Variants in PARD3B observed in about 807,000 individuals in gnomAD.
PARD3B encodes par-3 family cell polarity regulator beta, also known as partitioning defective 3 homolog B.
In PARD3B, 103 loss-of-function variants were observed where a neutral mutation model predicts 130.2. The ratio of observed to expected loss-of-function variants is 0.79; its 90% CI spans 0.67 to 0.93. PARD3B has a LOEUF of 0.93. PARD3B is among the 40% of genes least tolerant of loss of function. PARD3B has a pLI of 0.00. For synonymous variants in PARD3B, 583 were observed against 553.2 expected, an observed-to-expected ratio of 1.05 and a Z score of -0.76; for missense variants, 1,609 against 1,499.2, an observed-to-expected ratio of 1.07 and a Z score of -1.21.
chr2:205,521,645 A>G (rs74337217), intron 21 of PARD3B, among the ~76,000 whole-genome samples: 5,002 of 152,194 alleles, frequency 0.033, 171 homozygotes, highest in South Asian at 0.13. Context: ...GTCTACACTT[A>G]CATGCTGTCT....
chr2:205,308,254 C>T (rs920251122), intron 18 of PARD3B, among the ~76,000 whole-genome samples: 5 of 152,238 alleles, frequency 3.3e-5, no homozygotes, highest in African/African-American at 9.6e-5. Context: ...CAGCACTTTT[C>T]CTGTCTTAAT....
chr2:205,309,526 A>G lies in PARD3B; in HGVS notation c.2630+7825A>G, dbSNP rs1470859078. 6.6e-6 allele frequency among the ~76,000 whole-genome samples: 1 copy of G among 152,152 alleles called. No homozygotes were observed. The highest frequency in any genetic ancestry group is 1.5e-5 in the Non-Finnish European group (1 of 68,028). ...ATTTTATTTAAACTAGGGGAATTCT[A>G]TATAAAGACATCCTGCTGTGAATTA... On this transcript the variant is annotated intron_variant, in intron 18 of 22. Coordinates refer to ENST00000406610, the MANE Select transcript of PARD3B (RefSeq NM_001302769.2). The surrounding 1 kb of genome is among the most constrained non-coding windows in gnomAD (Gnocchi z 4.7).
At chr2:204,657,967 T>G (rs369618968) in intron 1 of PARD3B, among the ~76,000 whole-genome samples, 1 of 152,190 alleles carries the variant, frequency 6.6e-6, no homozygotes, top group Non-Finnish European at 1.5e-5. Flanking sequence ...AAGTATTTAC[T>G]GACACTCTTA....
At chr2:204,823,498 T>A (rs2043447295) in intron 2 of PARD3B, among the ~76,000 whole-genome samples, 1 of 152,148 alleles carries the variant, frequency 6.6e-6, no homozygotes, top group Non-Finnish European at 1.5e-5. Flanking sequence ...ACTGGCTACA[T>A]ACATAAGTAT....
intron 15 of PARD3B, among the ~76,000 whole-genome samples, chr2:205,243,977 C>A (rs1024121750): frequency 6.6e-6 from 1 of 150,974 alleles, no homozygotes; most frequent in Non-Finnish European, 1.5e-5. Context: ...TAGATTGATT[C>A]TATGTAAGTG....
At chr2:205,382,075 G>A (rs1227628423) in intron 18 of PARD3B, among the ~76,000 whole-genome samples, 1 of 151,946 alleles carries the variant, frequency 6.6e-6, no homozygotes, top group Non-Finnish European at 1.5e-5. Flanking sequence ...AAATTAACAT[G>A]GTTACAAAAC....
chr2:205,413,838 T>C (rs868658569), intron 19 of PARD3B, among the ~76,000 whole-genome samples: 6 of 152,182 alleles, frequency 3.9e-5, no homozygotes, highest in Middle Eastern at 3.2e-3. Flanking sequence ...TGTTTTCAAA[T>C]TGGGCTTGTG....
At chr2:205,377,495 G>T (rs1014514918) in intron 18 of PARD3B, among the ~76,000 whole-genome samples, 2 of 152,094 alleles carry the variant, frequency 1.3e-5, no homozygotes, top group African/African-American at 2.4e-5. Context: ...ATGAGAGGGA[G>T]GGAAGAGGGA....
At position 205,274,596 on chromosome 2, in the gene PARD3B, G is replaced by T. The variant is rs2040867627; in HGVS notation, c.2186-25934G>T. 6.6e-6 allele frequency among the ~76,000 whole-genome samples: 1 copy of T among 151,468 alleles called. No individual in the cohort carries two copies. Among genetic ancestry groups the T allele is most frequent in the Non-Finnish European group, 1.5e-5 (1 of 67,854 alleles). ...AATTTACATGGTATACTTTTACATT[G>T]ATTTTTTTATAAATCATTTCTACTT... On this transcript the variant is annotated intron_variant, in intron 16 of 22. Coordinates refer to ENST00000406610, the MANE Select transcript of PARD3B (RefSeq NM_001302769.2). This position sits in a 1 kb window ranked among gnomAD's most constrained non-coding sequence, Gnocchi z 4.2.
chr2:205,197,272 A>T (rs1037686735), intron 15 of PARD3B, among the ~76,000 whole-genome samples: 1 of 152,042 alleles, frequency 6.6e-6, no homozygotes, highest in Non-Finnish European at 1.5e-5. Context: ...CTGGCTGATA[A>T]TGTGGATTTT....
At chr2:205,378,575 T>A (rs2105927085) in intron 18 of PARD3B, among the ~76,000 whole-genome samples, 1 of 151,944 alleles carries the variant, frequency 6.6e-6, no homozygotes, top group Non-Finnish European at 1.5e-5. Flanking sequence ...TTCTCAGGAG[T>A]GCAGCTTCAC....
At chr2:205,388,571 A>C (rs1275558826) in intron 18 of PARD3B, among the ~76,000 whole-genome samples, 1 of 152,220 alleles carries the variant, frequency 6.6e-6, no homozygotes, top group African/African-American at 2.4e-5. Context: ...ACAGGTGATT[A>C]GAAAACCCTG....
Position 204,965,263 on chromosome 2 carries a change from C to T in PARD3B, c.334C>T (p.Leu112=), listed in dbSNP as rs1691133429. The change falls in exon 3 of 23, where the codon CTG becomes TTG. Residue 112 remains leucine, a synonymous_variant. Transcript: ENST00000406610. ...TTTTGAGACAGAAGTGGCCGCCCAACTGGCCGCATTTAAGCCAATTGGTGG... is the reference window on the plus strand; with the variant it reads ...TTTTGAGACAGAAGTGGCCGCCCAATTGGCCGCATTTAAGCCAATTGGTGG... The part of the protein sequence containing the change: ...DAFETEVAAQ[L]AAFKPIGGEI... The T allele has an allele frequency of 1.9e-6, 3 of 1,613,802 alleles. No individual in the cohort carries two copies. Among genetic ancestry groups the T allele is most frequent in the South Asian group, 1.1e-5 (1 of 91,082 alleles).
chr2:204,941,389 A>G (rs1688890240), intron 2 of PARD3B, among the ~76,000 whole-genome samples: 1 of 152,212 alleles, frequency 6.6e-6, no homozygotes, highest in South Asian at 2.1e-4. Flanking sequence ...GAAAAAGGAA[A>G]GTTCTAACAC....
chr2:205,466,597 T>G (rs759022813), intron 20 of PARD3B, among the ~76,000 whole-genome samples: 47 of 152,076 alleles, frequency 3.1e-4, no homozygotes, highest in Non-Finnish European at 5.4e-4. Context: ...TTTTTCCCAG[T>G]GTACCCCATT....
intron 3 of PARD3B, among the ~76,000 whole-genome samples, chr2:205,003,140 C>T (rs748133870): frequency 2.6e-5 from 4 of 152,200 alleles, no homozygotes; most frequent in African/African-American, 7.2e-5. Flanking sequence ...CGGCAATGGC[C>T]GTCCGGTCTT....
At chr2:204,891,552 C>G (rs1187232578) in intron 2 of PARD3B, among the ~76,000 whole-genome samples, 1 of 152,090 alleles carries the variant, frequency 6.6e-6, no homozygotes, top group Non-Finnish European at 1.5e-5. Context: ...AATCAGTGTT[C>G]AAAATAATGC....
At chr2:204,697,574 T>C (rs1336562405) in intron 2 of PARD3B, among the ~76,000 whole-genome samples, 2 of 152,076 alleles carry the variant, frequency 1.3e-5, no homozygotes, top group Non-Finnish European at 2.9e-5. Context: ...ATTCCTCTTT[T>C]AGTTTTGCAG....
intron 3 of PARD3B, among the ~76,000 whole-genome samples, chr2:205,020,542 T>C (rs1377480733): frequency 2.0e-5 from 3 of 152,060 alleles, no homozygotes; most frequent in African/African-American, 7.2e-5. Context: ...TGGGAAAAAA[T>C]ACCCCTCTTA....
Sources: allele counts gnomAD v4.1 joint callset (sites outside exome capture counted in the v4.1 genomes callset), GRCh38; gene constraint gnomAD v4.1.1; non-coding constraint Gnocchi (gnomAD v3.1); transcripts MANE v1.5; gene names NCBI Gene and HGNC (gene_info 2026-07-23, HGNC 2026-07-21).